PCSK5: variants seen among roughly 807,000 people sequenced by gnomAD.
PCSK5 encodes prohormone convertase 5.
PCSK5 carries 129 observed loss-of-function variants against 233.2 expected under a neutral mutation model. That is an observed-to-expected ratio of 0.55 (90% CI 0.48 to 0.64). The LOEUF (loss-of-function observed/expected upper bound fraction) is 0.64. PCSK5 is among the 30% of genes least tolerant of loss of function. PCSK5 has a pLI of 0.00. For synonymous variants in PCSK5, 825 were observed against 879.2 expected (o/e 0.94, Z 1.09); for missense variants, 2,076 against 2,430.1 (o/e 0.85, Z 3.06).
chr9:75,975,335 A>G (rs1047334579), intron 2 of PCSK5, among the ~76,000 whole-genome samples: 3 of 152,212 alleles, frequency 2.0e-5, no homozygotes, highest in Non-Finnish European at 4.4e-5. Context: ...GTTTCTCTCC[A>G]TAGAAATATA....
At chr9:75,893,566 T>A (rs993902576) in intron 1 of PCSK5, among the ~76,000 whole-genome samples, 2 of 152,168 alleles carry the variant, frequency 1.3e-5, no homozygotes, top group African/African-American at 4.8e-5. Context: ...GCAGAACTGG[T>A]ATATGACAGA....
At chr9:76,041,781 G>A (rs1332394787) in intron 5 of PCSK5, among the ~76,000 whole-genome samples, 1 of 150,612 alleles carries the variant, frequency 6.6e-6, no homozygotes, top group Non-Finnish European at 1.5e-5. Flanking sequence ...AGAGGTTGCA[G>A]TGAGCCCAGA....
intron 2 of PCSK5, among the ~76,000 whole-genome samples, chr9:75,961,944 T>G (rs765552458): frequency 6.6e-5 from 10 of 152,230 alleles, no homozygotes; most frequent in Non-Finnish European, 1.5e-4. Context: ...GATTATCTGC[T>G]GTATCCCCGG....
chr9:76,001,898 A>G (rs891308639), intron 3 of PCSK5, among the ~76,000 whole-genome samples: 8 of 152,200 alleles, frequency 5.3e-5, no homozygotes, highest in Non-Finnish European at 1.2e-4. Context: ...TGAACAAATC[A>G]TTTAAACTAG....
chr9:75,921,931 A>C (rs1823276049), intron 1 of PCSK5, among the ~76,000 whole-genome samples: 1 of 152,218 alleles, frequency 6.6e-6, no homozygotes, highest in Non-Finnish European at 1.5e-5. Flanking sequence ...ATGAAAATTT[A>C]TTTGAGTACT....
chr9:76,227,964 T>G (rs1374658225), intron 21 of PCSK5, among the ~76,000 whole-genome samples: 1 of 151,712 alleles, frequency 6.6e-6, no homozygotes, highest in Non-Finnish European at 1.5e-5. Context: ...AGTTCAAAAG[T>G]GAACTGTTCT....
At chr9:76,172,722 T>C (rs993397423) in intron 13 of PCSK5, among the ~76,000 whole-genome samples, 1 of 152,218 alleles carries the variant, frequency 6.6e-6, no homozygotes, top group African/African-American at 2.4e-5. Flanking sequence ...CGTTCTCTTT[T>C]GCACTGCTAC....
chr9:75,954,204 T>C (rs944977694), intron 2 of PCSK5, among the ~76,000 whole-genome samples: 3 of 152,220 alleles, frequency 2.0e-5, no homozygotes, highest in African/African-American at 7.2e-5. Flanking sequence ...TGGTAGAGTC[T>C]GTACATGGCT....
At position 76,188,574 on chromosome 9, in the gene PCSK5, C is replaced by G; in HGVS notation, c.2283-4C>G. 1.2e-6 allele frequency: 2 copies of G among 1,608,088 alleles called. No homozygotes were observed. Among genetic ancestry groups the G allele is most frequent in the Non-Finnish European group, 1.7e-6 (2 of 1,174,624 alleles). ...GTTTGAAGCTCCCTTTATACTTCTTCCAGCCTGCAGGGATCCCGGTGCTCT... is the reference window on the plus strand; with the variant it reads ...GTTTGAAGCTCCCTTTATACTTCTTGCAGCCTGCAGGGATCCCGGTGCTCT... On this transcript the variant is annotated splice_region_variant and splice_polypyrimidine_tract_variant and intron_variant, in intron 17 of 37. Coordinates refer to ENST00000674117, the MANE Select transcript of PCSK5 (RefSeq NM_001372043.1).
chr9:76,290,288 G>GAAT (rs1202827988), intron 24 of PCSK5, among the ~76,000 whole-genome samples: 3 of 152,194 alleles, frequency 2.0e-5, no homozygotes, highest in Admixed American at 6.5e-5. Flanking sequence ...CCCAGCCTAT[G>GAAT]AATTGGTCTT....
intron 24 of PCSK5, among the ~76,000 whole-genome samples, chr9:76,255,804 C>T (rs1264421979): frequency 2.0e-5 from 3 of 152,156 alleles, no homozygotes; most frequent in Non-Finnish European, 4.4e-5. Flanking sequence ...CATGGCACTC[C>T]AGCGTGGGCA....
chr9:76,027,208 G>A (rs912097024), intron 5 of PCSK5, among the ~76,000 whole-genome samples, 171 bp downstream of exon 5: 1 of 152,034 alleles, frequency 6.6e-6, no homozygotes, highest in Non-Finnish European at 1.5e-5. Flanking sequence ...AAAAGGGGTG[G>A]TCCATATAGA....
intron 15 of PCSK5, among the ~76,000 whole-genome samples, chr9:76,179,926 G>A (rs1169713675): frequency 6.6e-6 from 1 of 151,670 alleles, no homozygotes; most frequent in Non-Finnish European, 1.5e-5. Flanking sequence ...CATGTATGCT[G>A]TGAAACTGCA....
At chr9:76,029,649 G>A (rs1828573592) in intron 5 of PCSK5, among the ~76,000 whole-genome samples, 1 of 152,116 alleles carries the variant, frequency 6.6e-6, no homozygotes, top group African/African-American at 2.4e-5. Flanking sequence ...GCCAAGCCCA[G>A]CCATGGGTTT....
intron 35 of PCSK5, among the ~76,000 whole-genome samples, chr9:76,340,470 A>AC (rs1367223711): frequency 6.6e-6 from 1 of 151,830 alleles, no homozygotes; most frequent in Non-Finnish European, 1.5e-5. Context: ...ACATGGTGAA[A>AC]CCCCATCTCT....
At chr9:76,118,106 G>T (rs540691302) in intron 9 of PCSK5, among the ~76,000 whole-genome samples, 1 of 151,988 alleles carries the variant, frequency 6.6e-6, no homozygotes, top group South Asian at 2.1e-4. Flanking sequence ...TTTTCATTGT[G>T]CTAAAATTCT....
At chr9:75,894,197 A>G (rs1168587262) in intron 1 of PCSK5, among the ~76,000 whole-genome samples, 1 of 152,102 alleles carries the variant, frequency 6.6e-6, no homozygotes, top group Non-Finnish European at 1.5e-5. Flanking sequence ...AGTATTTTTT[A>G]TATCTTCGGT....
intron 3 of PCSK5, among the ~76,000 whole-genome samples, chr9:75,991,534 T>C (rs1414373768): frequency 6.6e-6 from 1 of 152,212 alleles, no homozygotes; most frequent in African/African-American, 2.4e-5. Flanking sequence ...GACACTATTT[T>C]CTATTTGGAA....
chr9:76,097,170 T>A (rs1831556708), intron 8 of PCSK5, among the ~76,000 whole-genome samples: 2 of 150,500 alleles, frequency 1.3e-5, no homozygotes, highest in South Asian at 4.2e-4. Flanking sequence ...TGAACTCAAG[T>A]GATCTGCCTG....
Sources: allele counts gnomAD v4.1 joint callset (sites outside exome capture counted in the v4.1 genomes callset), GRCh38; gene constraint gnomAD v4.1.1; transcripts MANE v1.5; gene names NCBI Gene and HGNC (gene_info 2026-07-23, HGNC 2026-07-21).